The following FDXR variants were observed in gnomAD, a reference collection of about 807,000 sequenced individuals.
FDXR encodes NADPH:adrenodoxin oxidoreductase, mitochondrial.
Under a neutral mutation model 58.3 loss-of-function variants are expected in FDXR, and 38 were observed. That is an observed-to-expected ratio of 0.65 (90% confidence interval 0.50 to 0.85). The LOEUF (loss-of-function observed/expected upper bound fraction) is 0.85. Ranked by LOEUF, FDXR falls within the 40% of genes least tolerant of loss-of-function variation. The pLI is 0.00. For missense variants in FDXR, 624 were observed against 671.0 expected (o/e 0.93, Z 0.77); for synonymous variants, 275 against 273.8 (o/e 1.00, Z -0.04).
chr17:74,868,257 G>A, intron 2 of FDXR: 1 of 564,254 alleles, frequency 1.8e-6, no homozygotes, highest in Non-Finnish European at 3.2e-6. Context: ...GAGTCAAACA[G>A]GTAGCCTTGG....
In FDXR at chr17:74,864,628, A is replaced by C. The variant is rs913084954; in HGVS notation, c.718-64T>G. 85 of 1,510,578 alleles carry C rather than the reference A, an allele frequency of 5.6e-5. No individual in the cohort carries two copies. In the African/African-American group the frequency reaches 1.0e-3, roughly 18 times the overall value. 93.6% of individuals were successfully genotyped at this position (1,510,578 alleles called of 1,614,324 possible). On this transcript the variant is annotated intron_variant, in intron 7 of 11. Coordinates refer to ENST00000293195, the MANE Select transcript of FDXR (RefSeq NM_024417.5). ...CCCAGAACACAGTCCACCTGAGCCC[A>C]CCCCAGGGTCCAGCCCAGGCAGGAG... is the stretch of plus-strand genomic sequence containing the variant.
rs201911602 is a variant in FDXR at position 74,866,152 on chromosome 17, G to A, written c.486C>T (p.Asn162=). The change falls in exon 5 of 12, where the codon AAC becomes AAT. Residue 162 remains asparagine (N), a synonymous_variant. Transcript: ENST00000293195. ...CSARAFVGWY[N]GLPENQELEP... ...TCACCTCCTGGTTCTCAGGAAGCCC[G>A]TTGTACCAGCCCACGAAGGCCCGGG... The A allele has an allele frequency of 9.9e-5, 160 of 1,613,322 alleles. No individual in the cohort carries two copies. Among genetic ancestry groups the A allele is most frequent in the Middle Eastern group, 1.7e-4 (1 of 5,870 alleles).
intron 2 of FDXR, among the ~76,000 whole-genome samples, chr17:74,870,698 C>T (rs1244333508): frequency 2.6e-5 from 4 of 151,740 alleles, no homozygotes; most frequent in African/African-American, 7.3e-5. Context: ...CACATGGCAG[C>T]GTGCCCAAGG....
rs1462554954 is a variant in FDXR, at chr17:74,863,893, C to T, written c.1174+3G>A. The T allele has an allele frequency of 2.5e-6, 4 of 1,610,368 alleles. No homozygotes were observed. Among genetic ancestry groups the T allele is most frequent in the African/African-American group, 2.7e-5 (2 of 74,914 alleles). On this transcript the variant is annotated splice_donor_region_variant and intron_variant, in intron 10 of 11. Transcript: ENST00000293195. ...AGCACCCAGCCTCCTCACACCCTCTCACCTGGCACATCCATAACCCGGCCC... is the reference window on the plus strand; with the variant it reads ...AGCACCCAGCCTCCTCACACCCTCTTACCTGGCACATCCATAACCCGGCCC...
chr17:74,864,702 G>T, intron 7 of FDXR, 122 bp downstream of exon 7: 1 of 1,483,578 alleles, frequency 6.7e-7, no homozygotes, highest in South Asian at 1.2e-5. Flanking sequence ...CCGGGGCCCT[G>T]ACTGCTCCCC....
At chr17:74,871,996 G>C in intron 2 of FDXR, 40 bp downstream of exon 2, 1 of 1,470,938 alleles carries the variant, frequency 6.8e-7, no homozygotes. Context: ...CTTAGGACTG[G>C]AGCAGCAGGT....
chr17:74,865,827 G>A lies in FDXR; in HGVS notation c.508-7C>T. The A allele has an allele frequency of 6.2e-7, 1 of 1,609,576 alleles. No homozygotes were observed. The highest frequency in any genetic ancestry group is 8.5e-7 in the Non-Finnish European group (1 of 1,177,222). ...AGCTCAGGTCTGGCTCCAGCTGGAG[G>A]GGAAAGGTCTTGATAGGGTCCCCCA... On this transcript the variant is annotated splice_polypyrimidine_tract_variant and splice_region_variant and intron_variant, in intron 5 of 11. Transcript: ENST00000293195.
In FDXR at chr17:74,863,254, G is replaced by C. The variant is rs1306412531; in HGVS notation, c.1175-8C>G. 2.5e-6 allele frequency: 4 copies of C among 1,609,092 alleles called. No homozygotes were observed. Among genetic ancestry groups the C allele is most frequent in the Non-Finnish European group, 3.4e-6 (4 of 1,177,716 alleles). On this transcript the variant is annotated splice_polypyrimidine_tract_variant and splice_region_variant and intron_variant, in intron 10 of 11. Coordinates refer to ENST00000293195, the MANE Select transcript of FDXR (RefSeq NM_024417.5). ...AGCCGCTGCAGTAGAGGCCTGAGAG[G>C]GGGTAACAAAAGGGGAAGGGAGGGA...
In FDXR at chr17:74,866,560, G is replaced by A; in HGVS notation, c.279C>T (p.Ile93=). 6.2e-7 allele frequency: 1 copy of A among 1,613,568 alleles called. No homozygotes were observed. Among genetic ancestry groups the A allele is most frequent in the Non-Finnish European group, 8.5e-7 (1 of 1,180,014 alleles). The change falls in exon 4 of 12, where the codon ATC becomes ATT. Residue 93 remains isoleucine, a synonymous_variant. Transcript: ENST00000293195. ...APDHPEVKNV[I]NTFTQTAHSG... ...AATGGGCCGTCTGGGTAAATGTGTT[G>A]ATGACATTCTGCCAGGTCCCCCGGG... is the stretch of plus-strand genomic sequence containing the variant.
rs1225442873 is a variant in FDXR at position 74,862,873 on chromosome 17, TCCCCGTGCCCTGG to T, written c.1407_1419del (p.Gln470SerfsTer50). ...GGATCCACCAGCTTCTCCCTGGGCT[TCCCCGTGCCCTGG>T]CCCCGGGCCACCTCCTCGGCATCCA... On this transcript the variant is annotated frameshift_variant, in exon 12 of 12. Transcript: ENST00000293195. LOFTEE classifies it high-confidence loss of function. The T allele has an allele frequency of 1.9e-6, 3 of 1,613,158 alleles. No homozygotes were observed. The highest frequency in any genetic ancestry group is 1.1e-5 in the South Asian group (1 of 91,084).
In FDXR at chr17:74,862,646, C is replaced by T. The variant is rs570747783; in HGVS notation, c.*171G>A. Reference sequence around the variant, plus strand: ...AGTTGCTGAAAGCTAAAACCTTGCGCGCAAGGGCGACCTTCCCCAGGAGGG... The same window carrying T: ...AGTTGCTGAAAGCTAAAACCTTGCGTGCAAGGGCGACCTTCCCCAGGAGGG... On this transcript the variant is annotated 3_prime_UTR_variant, in exon 12 of 12. Transcript: ENST00000293195. The T allele has an allele frequency of 3.2e-6, 3 of 926,850 alleles. No individual in the cohort carries two copies. Among genetic ancestry groups the T allele is most frequent in the Admixed American group, 2.9e-5 (1 of 34,080 alleles). 57.4% of individuals were successfully genotyped at this position (926,850 alleles called of 1,614,324 possible).
chr17:74,872,628 G>T, intron 1 of FDXR: 1 of 878,772 alleles, frequency 1.1e-6, no homozygotes, highest in Non-Finnish European at 1.7e-6. Flanking sequence ...TCTCACACCT[G>T]TAGATCTCAA....
rs766588728 is a variant in FDXR at position 74,872,951 on chromosome 17, G to C, written c.-7C>G. The stretch of plus-strand genomic sequence containing the variant: ...GCCAGCAGCGCGAAGCCATGGCTGG[G>C]AGCAGCAACCTGCAAGTGGATCTGT... On this transcript the variant is annotated 5_prime_UTR_variant, in exon 1 of 12. Transcript: ENST00000293195. 1.7e-5 allele frequency: 26 copies of C among 1,554,002 alleles called. No individual in the cohort carries two copies. Among genetic ancestry groups the C allele is most frequent in the Non-Finnish European group, 2.3e-5 (26 of 1,149,232 alleles).
rs2038007802 is a variant in FDXR, at chr17:74,862,727, CAGAGGTGCAA to C, written c.*80_*89del. On this transcript the variant is annotated 3_prime_UTR_variant, in exon 12 of 12. Coordinates refer to ENST00000293195, the MANE Select transcript of FDXR (RefSeq NM_024417.5). The stretch of plus-strand genomic sequence containing the variant: ...CCAAGCCAGGGCCGGCCGGGATCAG[CAGAGGTGCAA>C]AGTCCCACTCAGACGGACCCAGCCC... 6 of 1,478,862 alleles carry C rather than the reference CAGAGGTGCAA, an allele frequency of 4.1e-6. No homozygotes were observed. The East Asian group carries it at 1.4e-4, about 34-fold the overall frequency. 91.6% of individuals were successfully genotyped at this position (1,478,862 alleles called of 1,614,324 possible). A position where few individuals can be genotyped will look rare whatever the true frequency, so the allele number is the denominator to read the frequency against.
rs1231035434 is a variant in FDXR at position 74,864,343 on chromosome 17, G to C, written c.807C>G (p.Val269=). ...FLGLQDKIKE[V]PRPRKRLTEL... ...CCGTCAGCCGCTTCCTCGGGCGGGG[G>C]ACCTCTGTCAGCAACGTAGAATGTC... The change falls in exon 9 of 12, where the codon GTC becomes GTG. Residue 269 remains valine, a synonymous_variant. Transcript: ENST00000293195. 6.3e-7 allele frequency: 1 copy of C among 1,575,780 alleles called. No homozygotes were observed. The highest frequency in any genetic ancestry group is 1.4e-5 in the African/African-American group (1 of 73,624).
chr17:74,868,664 C>T (rs921144665), intron 2 of FDXR: 3 of 1,534,818 alleles, frequency 2.0e-6, no homozygotes, highest in African/African-American at 2.7e-5. Flanking sequence ...CCTTATCTCT[C>T]GTGGCTGACC....
At position 74,862,590 on chromosome 17, in the gene FDXR, C is replaced by G. The variant is rs892602238; in HGVS notation, c.*227G>C. 5.3e-6 allele frequency: 3 copies of G among 563,728 alleles called. No individual in the cohort carries two copies. The African/African-American group carries it at 5.6e-5, about 11-fold the overall frequency. The allele number at this position is 563,728 out of a possible 1,614,324, so 34.9% of individuals were successfully genotyped here. A position where few individuals can be genotyped will look rare whatever the true frequency, so the allele number is the denominator to read the frequency against. ...GAGATGGGTAAGGGGTTAGATCGGC[C>G]CACACCTCCACCTGTCCCTAAGGTT... On this transcript the variant is annotated 3_prime_UTR_variant, in exon 12 of 12. Transcript: ENST00000293195.
chr17:74,862,653 G>T lies in FDXR; in HGVS notation c.*164C>A. The T allele has an allele frequency of 1.0e-6, 1 of 1,001,138 alleles. No individual in the cohort carries two copies. Among genetic ancestry groups the T allele is most frequent in the South Asian group, 1.8e-5 (1 of 56,198 alleles). 62.0% of individuals were successfully genotyped at this position (1,001,138 alleles called of 1,614,324 possible). On this transcript the variant is annotated 3_prime_UTR_variant, in exon 12 of 12. Coordinates refer to ENST00000293195, the MANE Select transcript of FDXR (RefSeq NM_024417.5). ...GAAAGCTAAAACCTTGCGCGCAAGGGCGACCTTCCCCAGGAGGGAGGAGAG... is the reference window on the plus strand; with the variant it reads ...GAAAGCTAAAACCTTGCGCGCAAGGTCGACCTTCCCCAGGAGGGAGGAGAG...
chr17:74,864,906 A>C lies in FDXR; in HGVS notation c.635T>G (p.Leu212Arg). ...LERTDITKAA[L>R]GVLRQSRVKT... is the part of the protein sequence containing the mutation. The stretch of plus-strand genomic sequence containing the variant: ...CACTCGACTCTGCCTCAGTACACCC[A>C]GGGCTGCCTTCGTGATGTCCGTTCT... Residue 212 changes from leucine to arginine, a missense_variant, in exon 7 of 12, where the codon CTG becomes CGG. Leu to Arg is a moderately radical substitution (Grantham distance 102, BLOSUM62 -2). Transcript: ENST00000293195. The C allele has an allele frequency of 6.2e-7, 1 of 1,614,128 alleles. No individual in the cohort carries two copies. The highest frequency in any genetic ancestry group is 1.7e-5 in the Admixed American group (1 of 60,020).
Sources: gnomAD v4.1 joint callset for allele counts (sites outside exome capture counted in the v4.1 genomes callset) on GRCh38, gnomAD v4.1.1 for gene constraint, MANE v1.5 for transcripts, NCBI Gene and HGNC (gene_info 2026-07-23, HGNC 2026-07-21) for gene names.